Variants in WDR25 observed in about 807,000 individuals in gnomAD.
WDR25 encodes the protein WD repeat-containing protein 25.
Under a neutral mutation model 47.7 loss-of-function variants are expected in WDR25, and 35 were observed. The ratio of observed to expected loss-of-function variants is 0.73; its 90% CI spans 0.56 to 0.97. WDR25 has a LOEUF of 0.97. Ranked by LOEUF, WDR25 falls within the 50% of genes least tolerant of loss-of-function variation. The probability of loss-of-function intolerance (pLI) is 0.00; values close to 1 mark genes in which losing one functional copy is unlikely to be tolerated. For synonymous variants in WDR25, 248 were observed against 278.9 expected, an observed-to-expected ratio of 0.89 and a Z score of 1.10; for missense variants, 634 against 704.7, an observed-to-expected ratio of 0.90 and a Z score of 1.14.
intron 2 of WDR25, among the ~76,000 whole-genome samples, chr14:100,464,681 C>T (rs1284420393): frequency 6.8e-6 from 1 of 146,906 alleles, no homozygotes; most frequent in Non-Finnish European, 1.5e-5. Flanking sequence ...TCTCCCCTAC[C>T]TCATCTCCCC....
chr14:100,401,157 C>CT (rs2140171211), intron 2 of WDR25, among the ~76,000 whole-genome samples: 1 of 152,250 alleles, frequency 6.6e-6, no homozygotes, highest in Non-Finnish European at 1.5e-5. Context: ...TCCTCTGGGC[C>CT]TCCGGGGCGC....
At chr14:100,378,639 A>G (rs956005964) in intron 1 of WDR25, among the ~76,000 whole-genome samples, 1 of 152,088 alleles carries the variant, frequency 6.6e-6, no homozygotes, top group African/African-American at 2.4e-5. Context: ...GCTGGCTGCT[A>G]CAGAGATGGG....
At chr14:100,461,148 A>G (rs1665934017) in intron 2 of WDR25, among the ~76,000 whole-genome samples, 1 of 152,114 alleles carries the variant, frequency 6.6e-6, no homozygotes, top group African/African-American at 2.4e-5. Flanking sequence ...CAGGAGTTCA[A>G]AGTTTTACAG....
chr14:100,411,180 T>A (rs1354123113), intron 2 of WDR25, among the ~76,000 whole-genome samples: 3 of 152,184 alleles, frequency 2.0e-5, no homozygotes, highest in Non-Finnish European at 4.4e-5. Context: ...TAATGGTAGA[T>A]CCATTCCTGA....
chr14:100,452,004 C>T (rs1258556628), intron 2 of WDR25, among the ~76,000 whole-genome samples: 1 of 152,142 alleles, frequency 6.6e-6, no homozygotes, highest in Admixed American at 6.5e-5. Flanking sequence ...TCTATCTGTC[C>T]ATCATCCATC....
chr14:100,412,170 G>A (rs868124944), intron 2 of WDR25, among the ~76,000 whole-genome samples: 27 of 139,472 alleles, frequency 1.9e-4, no homozygotes, highest in South Asian at 1.3e-3. Context: ...TTTTGCCATC[G>A]CACTCCAGCC....
At chr14:100,486,660 T>A (rs967559172) in intron 4 of WDR25, among the ~76,000 whole-genome samples, 1 of 152,208 alleles carries the variant, frequency 6.6e-6, no homozygotes, top group South Asian at 2.1e-4. Flanking sequence ...TTCTTATCCC[T>A]GTGGGCTCCT....
intron 4 of WDR25, among the ~76,000 whole-genome samples, chr14:100,508,908 T>A (rs1043315711): frequency 4.6e-5 from 7 of 152,318 alleles, no homozygotes; most frequent in Admixed American, 6.5e-5. Context: ...TGATTTTTTT[T>A]AAAGTTAAAC....
chr14:100,483,386 G>A (rs1356906963), intron 3 of WDR25, among the ~76,000 whole-genome samples: 1 of 152,176 alleles, frequency 6.6e-6, no homozygotes, highest in Non-Finnish European at 1.5e-5. Flanking sequence ...TAGAGCCAGT[G>A]AGACCCCCAA....
At chr14:100,528,686 T>G (rs2140399174) in intron 5 of WDR25, among the ~76,000 whole-genome samples, 1 of 152,254 alleles carries the variant, frequency 6.6e-6, no homozygotes, top group Non-Finnish European at 1.5e-5. Context: ...CCCTGTAAGG[T>G]AACATTCACA....
rs2029979444 is a variant in WDR25 at position 100,523,827 on chromosome 14, C to T, written c.1102-2043C>T. Among the ~76,000 whole-genome samples the T allele has an allele frequency of 6.6e-6, 1 of 152,160 alleles. No individual in the cohort carries two copies. Among genetic ancestry groups the T allele is most frequent in the African/African-American group, 2.4e-5 (1 of 41,416 alleles). On this transcript the variant is annotated intron_variant, in intron 4 of 6. Transcript: ENST00000402312. The surrounding 1 kb of genome is among the most constrained non-coding windows in gnomAD (Gnocchi z 4.7). ...GCCAGAAGAGTCTGAGTGAGACTCC[C>T]TTTTGGATCCAGCTCGTTAGGCTCG...
Position 100,500,350 on chromosome 14 carries a change from C to A in WDR25, c.1101+16226C>A, listed in dbSNP as rs1220422283. Among the ~76,000 whole-genome samples, 1 of 152,138 alleles carries A rather than the reference C, an allele frequency of 6.6e-6. No individual in the cohort carries two copies. The highest frequency in any genetic ancestry group is 1.5e-5 in the Non-Finnish European group (1 of 68,024). On this transcript the variant is annotated intron_variant, in intron 4 of 6. Transcript: ENST00000402312. This position sits in a 1 kb window ranked among gnomAD's most constrained non-coding sequence, Gnocchi z 4.7. ...GGCCTAGAGGCAGGCCAGCTCGTCT[C>A]TTCTGCTCCTTCTTCCAGGGACCCG...
intron 2 of WDR25, chr14:100,382,046 G>T (rs758285367): frequency 2.8e-5 from 20 of 702,774 alleles, no homozygotes; most frequent in Non-Finnish European, 4.9e-5. Context: ...AGCAGGCCCA[G>T]GACCAAGCCC....
At chr14:100,486,390 T>C (rs1900384076) in intron 4 of WDR25, among the ~76,000 whole-genome samples, 1 of 152,206 alleles carries the variant, frequency 6.6e-6, no homozygotes, top group African/African-American at 2.4e-5. Context: ...GTGACTGGTG[T>C]TGGCATGTTT....
At chr14:100,408,460 T>A (rs370057486) in intron 2 of WDR25, among the ~76,000 whole-genome samples, 1 of 152,174 alleles carries the variant, frequency 6.6e-6, no homozygotes. Context: ...CAGAAGGCCA[T>A]GTTCTCTAGG....
chr14:100,420,466 T>G (rs1190699825), intron 2 of WDR25, among the ~76,000 whole-genome samples: 2 of 152,208 alleles, frequency 1.3e-5, no homozygotes, highest in Non-Finnish European at 2.9e-5. Flanking sequence ...TGCTGAACAT[T>G]GAGCTTTTTA....
intron 4 of WDR25, among the ~76,000 whole-genome samples, chr14:100,497,931 C>T (rs188742170): frequency 6.6e-6 from 1 of 152,292 alleles, no homozygotes; most frequent in East Asian, 1.9e-4. Context: ...ACATGATGGT[C>T]TTTTCCAACC....
At position 100,381,762 on chromosome 14, in the gene WDR25, A is replaced by G. The variant is rs776284724; in HGVS notation, c.822+16A>G. 2 of 1,567,798 alleles carry G rather than the reference A, an allele frequency of 1.3e-6. No individual in the cohort carries two copies. Among genetic ancestry groups the G allele is most frequent in the South Asian group, 2.3e-5 (2 of 86,166 alleles). On this transcript the variant is annotated intron_variant, in intron 2 of 6. Coordinates refer to ENST00000402312, the MANE Select transcript of WDR25 (RefSeq NM_001161476.3). ...AACTTTCAAGGTAAGACTTGAATGA[A>G]AACTTCTGCTTTCAGATGCTCTTAG...
intron 2 of WDR25, among the ~76,000 whole-genome samples, chr14:100,382,679 C>G (rs540140708): frequency 8.5e-5 from 13 of 152,296 alleles, no homozygotes; most frequent in Non-Finnish European, 1.9e-4. Context: ...TCTCTCTCCT[C>G]GCAGCTAGCA....
Sources: allele counts gnomAD v4.1 joint callset (sites outside exome capture counted in the v4.1 genomes callset), GRCh38; gene constraint gnomAD v4.1.1; non-coding constraint Gnocchi (gnomAD v3.1); transcripts MANE v1.5; gene names NCBI Gene and HGNC (gene_info 2026-07-23, HGNC 2026-07-21).